MAGOHB: variants seen among roughly 807,000 people sequenced by gnomAD.
The protein encoded by MAGOHB is protein mago nashi homolog 2.
MAGOHB carries 15 observed loss-of-function variants against 20.9 expected under a neutral mutation model. That is an observed-to-expected ratio of 0.72 (90% CI 0.48 to 1.11). The LOEUF (loss-of-function observed/expected upper bound fraction) is 1.11. Ranked by LOEUF, MAGOHB falls within the 50% of genes least tolerant of loss-of-function variation. MAGOHB has a pLI of 0.00. For missense variants in MAGOHB, 162 were observed against 177.6 expected, an observed-to-expected ratio of 0.91 and a Z score of 0.50; for synonymous variants, 50 against 57.9, an observed-to-expected ratio of 0.86 and a Z score of 0.62.
chr12:10,600,991 T>C (rs933077045), downstream of MAGOHB, among the ~76,000 whole-genome samples: 8 of 152,364 alleles, frequency 5.3e-5, no homozygotes, highest in Non-Finnish European at 8.8e-5. Flanking sequence ...CAAAGTTTCA[T>C]GCATGGAGTT....
downstream of MAGOHB, among the ~76,000 whole-genome samples, chr12:10,600,183 C>G (rs1215288846): frequency 6.6e-6 from 1 of 151,750 alleles, no homozygotes; most frequent in Non-Finnish European, 1.5e-5. Context: ...GTTGTGCTTA[C>G]TATCAAGGTT....
chr12:10,600,878 T>C (rs1591659224), downstream of MAGOHB, among the ~76,000 whole-genome samples: 1 of 152,124 alleles, frequency 6.6e-6, no homozygotes, highest in Non-Finnish European at 1.5e-5. Context: ...GCAGGCGAAA[T>C]TGCTGATACA....
chr12:10,610,577 C>CAAAA (rs541042923), intron 2 of MAGOHB, 45 bp downstream of exon 2: 184 of 727,888 alleles, frequency 2.5e-4, no homozygotes, highest in South Asian at 6.3e-4. Context: ...GGGCTAAATG[C>CAAAA]AAAAAAAAAA....
At chr12:10,608,425 C>T (rs941451426) in intron 3 of MAGOHB, 5 of 152,176 alleles carry the variant, frequency 3.3e-5, no homozygotes, top group Non-Finnish European at 5.9e-5. Flanking sequence ...TCTCTGTAAT[C>T]TTGAAAATAA....
downstream of MAGOHB, among the ~76,000 whole-genome samples, chr12:10,602,029 G>A (rs529235695): frequency 5.9e-5 from 9 of 152,288 alleles, no homozygotes; most frequent in East Asian, 1.7e-3. Context: ...AAACCATTCC[G>A]TGGCTGCATA....
chr12:10,611,686 T>G (rs1350995865), intron 1 of MAGOHB, among the ~76,000 whole-genome samples: 1 of 135,342 alleles, frequency 7.4e-6, no homozygotes, highest in Non-Finnish European at 1.5e-5. Flanking sequence ...AGGCGGAGGT[T>G]GCAGTGAGCC....
chr12:10,611,737 G>A (rs1865742278), intron 1 of MAGOHB, among the ~76,000 whole-genome samples: 1 of 96,868 alleles, frequency 1.0e-5, no homozygotes, highest in African/African-American at 4.2e-5. Flanking sequence ...GACAGAGCAA[G>A]ACTCTGTCTC....
chr12:10,609,952 A>G lies in MAGOHB; in HGVS notation c.154-11T>C. 6.6e-7 allele frequency: 1 copy of G among 1,516,580 alleles called. No homozygotes were observed. Among genetic ancestry groups the G allele is most frequent in the Non-Finnish European group, 9.0e-7 (1 of 1,105,778 alleles). The allele number at this position is 1,516,580 out of a possible 1,614,324, so 93.9% of individuals were successfully genotyped here. The stretch of plus-strand genomic sequence containing the variant: ...CTTGTGCACATAAGCCTAAAAATTA[A>G]TCATAATAAAATGAGATAATGCCCA... On this transcript the variant is annotated splice_polypyrimidine_tract_variant and intron_variant, in intron 2 of 4. Transcript: ENST00000320756.
downstream of MAGOHB, among the ~76,000 whole-genome samples, chr12:10,601,252 CA>C (rs1865552136): frequency 1.3e-5 from 2 of 149,070 alleles, no homozygotes; most frequent in South Asian, 4.3e-4. Context: ...ACCTCTTGTG[CA>C]TATAACCATA....
chr12:10,599,723 G>T (rs143353299), downstream of MAGOHB: 89 of 151,144 alleles, frequency 5.9e-4, 1 homozygote, highest in African/African-American at 2.1e-3. Context: ...ATGAAAGCTG[G>T]TACTGACGGG....
downstream of MAGOHB, among the ~76,000 whole-genome samples, chr12:10,603,332 A>T (rs1407859785): frequency 6.6e-6 from 1 of 151,800 alleles, no homozygotes; most frequent in African/African-American, 2.4e-5. Context: ...AAAAAAAAAA[A>T]AAAATCTCTA....
chr12:10,610,200 T>C (rs554610048), intron 2 of MAGOHB, among the ~76,000 whole-genome samples: 36 of 152,176 alleles, frequency 2.4e-4, no homozygotes, highest in Non-Finnish European at 5.0e-4. Flanking sequence ...TTTGCAACAC[T>C]GAGATCCAAA....
downstream of MAGOHB, among the ~76,000 whole-genome samples, chr12:10,602,600 CAG>C (rs1433674545): frequency 6.6e-6 from 1 of 152,158 alleles, no homozygotes; most frequent in Non-Finnish European, 1.5e-5. Context: ...GAGAAATATA[CAG>C]AGTTTTGAAT....
At chr12:10,610,817 T>C (rs1865719681) in intron 1 of MAGOHB, 137 bp from the exon 2 acceptor site, 1 of 741,524 alleles carries the variant, frequency 1.3e-6, no homozygotes, top group Non-Finnish European at 1.9e-6. Flanking sequence ...TGTAAGATCA[T>C]TGCTAGACAT....
chr12:10,604,610 C>A lies in MAGOHB; in HGVS notation c.*1665G>T, dbSNP rs889326732. ...GGAACAACCAACAACTGTGGGCCTA[C>A]TGGAAGTTCAAAAGACGATTGTTCC... is the stretch of plus-strand genomic sequence containing the variant. On this transcript the variant is annotated 3_prime_UTR_variant, in exon 5 of 5. Transcript: ENST00000320756. 5 of 152,184 alleles carry A rather than the reference C, an allele frequency of 3.3e-5. No individual in the cohort carries two copies. The highest frequency in any genetic ancestry group is 2.6e-4 in the Admixed American group (4 of 15,288). The allele number at this position is 152,184 out of a possible 1,614,324, so 9.4% of individuals were successfully genotyped here.
chr12:10,603,942 T>C (rs552111535), downstream of MAGOHB, among the ~76,000 whole-genome samples: 1 of 152,294 alleles, frequency 6.6e-6, no homozygotes, highest in South Asian at 2.1e-4. Flanking sequence ...CAATAGAATA[T>C]ATAAATCATC....
Position 10,613,592 on chromosome 12 carries a change from G to T in MAGOHB, c.-60C>A. On this transcript the variant is annotated 5_prime_UTR_variant, in exon 1 of 5. The change creates a premature stop within an existing upstream ORF in the 5' untranslated region. Transcript: ENST00000320756. ...AACGTGTCCCCCGGCGCCTTGCAGT[G>T]ACGTCATCGCGCGGAATAAGTGCGT... 1 of 1,110,154 alleles carries T rather than the reference G, an allele frequency of 9.0e-7. No individual in the cohort carries two copies. Among genetic ancestry groups the T allele is most frequent in the South Asian group, 1.2e-5 (1 of 80,880 alleles). The allele number at this position is 1,110,154 out of a possible 1,614,324, so 68.8% of individuals were successfully genotyped here.
intron 3 of MAGOHB, 62 bp from the exon 4 acceptor site, chr12:10,607,998 C>T (rs111419124): frequency 7.8e-6 from 8 of 1,031,384 alleles, no homozygotes; most frequent in African/African-American, 4.9e-5. Flanking sequence ...TATCTGTATT[C>T]TTGCTACAAG....
intron 1 of MAGOHB, among the ~76,000 whole-genome samples, chr12:10,612,200 CATA>C (rs1791608684): frequency 2.3e-5 from 2 of 86,670 alleles, no homozygotes; most frequent in African/African-American, 3.5e-5. Flanking sequence ...AATAACATAA[CATA>C]ACATAACATA....
Sources: gnomAD v4.1 joint callset for allele counts (sites outside exome capture counted in the v4.1 genomes callset) on GRCh38, gnomAD v4.1.1 for gene constraint, MANE v1.5 for transcripts, NCBI Gene and HGNC (gene_info 2026-07-23, HGNC 2026-07-21) for gene names.